MBTD1: variants seen among roughly 807,000 people sequenced by gnomAD.
MBTD1 encodes MBT domain-containing protein 1.
In MBTD1, 24 loss-of-function variants were observed where a neutral mutation model predicts 87.8. The ratio of observed to expected loss-of-function variants is 0.27; its 90% CI spans 0.20 to 0.38. MBTD1 has a LOEUF of 0.38. MBTD1 is among the 10% of genes least tolerant of loss of function. The pLI is 1.00. For missense variants in MBTD1, 436 were observed against 760.2 expected (o/e 0.57, Z 5.02); for synonymous variants, 237 against 248.6 (o/e 0.95, Z 0.44).
At chr17:51,244,528 C>T (rs1442553752) in intron 2 of MBTD1, among the ~76,000 whole-genome samples, 8 of 151,552 alleles carry the variant, frequency 5.3e-5, no homozygotes, top group African/African-American at 1.9e-4. Context: ...GTGCCTCAGC[C>T]TTCTGAGTAG....
intron 5 of MBTD1, among the ~76,000 whole-genome samples, chr17:51,218,133 G>A (rs1037023096): frequency 6.6e-6 from 1 of 151,736 alleles, no homozygotes; most frequent in Non-Finnish European, 1.5e-5. Context: ...CTCACTTATT[G>A]CCTCTTCTAT....
At chr17:51,208,398 C>A (rs1263752521) in intron 6 of MBTD1, among the ~76,000 whole-genome samples, 5 of 152,222 alleles carry the variant, frequency 3.3e-5, no homozygotes, top group Admixed American at 1.3e-4. Context: ...GTGACTACCT[C>A]TTCTTTAAAC....
At chr17:51,227,494 G>A (rs1408177634) in intron 2 of MBTD1, among the ~76,000 whole-genome samples, 3 of 152,036 alleles carry the variant, frequency 2.0e-5, no homozygotes, top group Non-Finnish European at 2.9e-5. Context: ...TCAGGAGGTC[G>A]AGGCTGCAGT....
At chr17:51,197,662 A>G (rs2051214972) in intron 12 of MBTD1, among the ~76,000 whole-genome samples, 1 of 151,528 alleles carries the variant, frequency 6.6e-6, no homozygotes, top group Admixed American at 6.6e-5. Flanking sequence ...GTGCCACCAC[A>G]CTCAGCTAAT....
chr17:51,260,930 AG>A, upstream of MBTD1: 1 of 1,546,556 alleles, frequency 6.5e-7, no homozygotes, highest in Non-Finnish European at 8.7e-7. Flanking sequence ...CCCGAGGGTG[AG>A]GGAGGCCGCG....
At chr17:51,234,958 A>C (rs1271963721) in intron 2 of MBTD1, among the ~76,000 whole-genome samples, 1 of 151,982 alleles carries the variant, frequency 6.6e-6, no homozygotes, top group East Asian at 1.9e-4. Flanking sequence ...GGCCTCCCAA[A>C]GTGCTGGGAT....
intron 3 of MBTD1, among the ~76,000 whole-genome samples, chr17:51,221,916 A>G (rs1030391419): frequency 6.6e-6 from 1 of 152,248 alleles, no homozygotes; most frequent in Non-Finnish European, 1.5e-5. Flanking sequence ...ACTTACTTAC[A>G]AATCTATGAG....
intron 7 of MBTD1, among the ~76,000 whole-genome samples, 192 bp downstream of exon 7, chr17:51,206,696 C>CAG (rs1358359148): frequency 1.3e-5 from 2 of 152,156 alleles, no homozygotes; most frequent in Non-Finnish European, 2.9e-5. Flanking sequence ...ATAGCTGTGA[C>CAG]AGAGATCATA....
chr17:51,256,678 C>T lies in MBTD1; in HGVS notation c.-49+2465G>A, dbSNP rs573334658. On this transcript the variant is annotated intron_variant, in intron 2 of 16. Transcript: ENST00000586178. ...AAACAGCAAAATTAAAAATTGAGTT[C>T]TTCAATTTTTAGTTCCACTAGTTAC... 2.0e-5 allele frequency: 3 copies of T among 151,146 alleles called. No homozygotes were observed. In the South Asian group the frequency reaches 6.2e-4, roughly 31 times the overall value. The allele number at this position is 151,146 out of a possible 1,614,324, so 9.4% of individuals were successfully genotyped here.
Position 51,179,255 on chromosome 17 carries a change from T to G in MBTD1, c.*1321A>C, listed in dbSNP as rs142528295. 1 of 151,830 alleles carries G rather than the reference T, an allele frequency of 6.6e-6. No individual in the cohort carries two copies. Among genetic ancestry groups the G allele is most frequent in the African/African-American group, 2.4e-5 (1 of 41,446 alleles). The allele number at this position is 151,830 out of a possible 1,614,324, so 9.4% of individuals were successfully genotyped here. ...CACTTCTAGAACAGATGCAATTAATTCCTGAGAGTTTAGTTTATGAACCTC... is the reference window on the plus strand; with the variant it reads ...CACTTCTAGAACAGATGCAATTAATGCCTGAGAGTTTAGTTTATGAACCTC... On this transcript the variant is annotated 3_prime_UTR_variant, in exon 17 of 17. Coordinates refer to ENST00000586178, the MANE Select transcript of MBTD1 (RefSeq NM_017643.3).
Position 51,259,830 on chromosome 17 carries a change from C to G in MBTD1, c.-113+5G>C, listed in dbSNP as rs1463334923. 8.1e-7 allele frequency: 1 copy of G among 1,232,108 alleles called. No individual in the cohort carries two copies. The highest frequency in any genetic ancestry group is 1.6e-5 in the African/African-American group (1 of 64,364). The allele number at this position is 1,232,108 out of a possible 1,614,324, so 76.3% of individuals were successfully genotyped here. A position where few individuals can be genotyped will look rare whatever the true frequency, so the allele number is the denominator to read the frequency against. The stretch of plus-strand genomic sequence containing the variant: ...CACAAAGCGGCTGCCGCGCTCGGCT[C>G]TCACCAGATCCTTTGTGTTTTCCAT... On this transcript the variant is annotated splice_donor_5th_base_variant and intron_variant, in intron 1 of 16. Transcript: ENST00000586178.
At chr17:51,185,972 T>TA (rs1477165105) in intron 16 of MBTD1, 1 of 151,570 alleles carries the variant, frequency 6.6e-6, no homozygotes, top group Non-Finnish European at 1.5e-5. Flanking sequence ...CCCACCACCC[T>TA]ACCCAGTACT....
At chr17:51,207,077 A>G in intron 6 of MBTD1, 72 bp from the exon 7 acceptor site, 2 of 742,396 alleles carry the variant, frequency 2.7e-6, no homozygotes, top group South Asian at 3.7e-5. Context: ...AAAATTAAGC[A>G]GTACCATCAA....
At chr17:51,181,291 C>T (rs535060576) in intron 16 of MBTD1, among the ~76,000 whole-genome samples, 1 of 152,190 alleles carries the variant, frequency 6.6e-6, no homozygotes, top group South Asian at 2.1e-4. Context: ...TCCCAAAGTG[C>T]TGGGATGACA....
At chr17:51,245,273 T>C (rs1436461208) in intron 2 of MBTD1, among the ~76,000 whole-genome samples, 1 of 152,176 alleles carries the variant, frequency 6.6e-6, no homozygotes, top group African/African-American at 2.4e-5. Flanking sequence ...GGGTTTTTAG[T>C]CTTAATTTTC....
intron 2 of MBTD1, among the ~76,000 whole-genome samples, chr17:51,239,309 TTTA>T (rs1243360224): frequency 3.9e-5 from 6 of 152,216 alleles, no homozygotes; most frequent in African/African-American, 1.4e-4. Flanking sequence ...ATTACTGCCC[TTTA>T]TTATATGATC....
intron 2 of MBTD1, among the ~76,000 whole-genome samples, chr17:51,225,900 T>C (rs2053189926): frequency 6.6e-6 from 1 of 151,794 alleles, no homozygotes; most frequent in Non-Finnish European, 1.5e-5. Context: ...TGCCTCAGTC[T>C]CCTGAGTAGC....
At chr17:51,209,910 T>C (rs986195671) in intron 6 of MBTD1, among the ~76,000 whole-genome samples, 1 of 152,080 alleles carries the variant, frequency 6.6e-6, no homozygotes, top group Non-Finnish European at 1.5e-5. Context: ...GAAAATTAAG[T>C]AGAAAGAAAT....
intron 11 of MBTD1, 107 bp from the exon 12 acceptor site, chr17:51,201,803 T>A: frequency 1.2e-6 from 1 of 801,904 alleles, no homozygotes; most frequent in Non-Finnish European, 2.1e-6. Flanking sequence ...CCTACCTACC[T>A]AATATTATAA....
Sources: allele counts gnomAD v4.1 joint callset (sites outside exome capture counted in the v4.1 genomes callset), GRCh38; gene constraint gnomAD v4.1.1; transcripts MANE v1.5; gene names NCBI Gene and HGNC (gene_info 2026-07-23, HGNC 2026-07-21).